Variants in OPRM1 observed in about 807,000 individuals in gnomAD.
OPRM1 encodes opioid receptor mu 1, also known as mu-type opioid receptor.
Under a neutral mutation model 31.8 loss-of-function variants are expected in OPRM1, and 27 were observed. The observed-to-expected ratio is 0.85, with a 90% CI of 0.63 to 1.17. The LOEUF is 1.17. OPRM1 is among the 50% of genes most tolerant of loss of function. OPRM1 has a pLI of 0.00. For missense variants in OPRM1, 536 were observed against 511.1 expected, an observed-to-expected ratio of 1.05 and a Z score of -0.47; for synonymous variants, 196 against 189.9, an observed-to-expected ratio of 1.03 and a Z score of -0.26.
rs558465288 is a variant in OPRM1, at chr6:154,014,448, C to T, written c.-1+3430C>T. ...CATTAAAAAAGTGAATATTAAGAGC[C>T]ATAGACAATGAGAGGAATTGATAAA... On this transcript the variant is annotated intron_variant, in intron 1 of 5. Coordinates refer to the OPRM1 transcript ENST00000434900. Among the ~76,000 whole-genome samples, 4 of 152,076 alleles carry T rather than the reference C, an allele frequency of 2.6e-5. No homozygotes were observed. In the South Asian group the frequency reaches 6.2e-4, roughly 24 times the overall value.
intron 3 of OPRM1, among the ~76,000 whole-genome samples, chr6:154,227,994 A>G (rs1253296088): frequency 9.9e-5 from 15 of 152,140 alleles, no homozygotes. Flanking sequence ...TTGCAAAAAA[A>G]AAATGCCTCA....
At chr6:154,112,090 G>A (rs1198268668) in intron 3 of OPRM1, among the ~76,000 whole-genome samples, 2 of 152,084 alleles carry the variant, frequency 1.3e-5, no homozygotes, top group Non-Finnish European at 2.9e-5. Context: ...AAAAATTGTT[G>A]ACAAAAATAG....
chr6:154,073,510 C>T (rs1583371513), intron 1 of OPRM1: 1 of 152,140 alleles, frequency 6.6e-6, no homozygotes, highest in East Asian at 1.9e-4. Flanking sequence ...AACCTTTATC[C>T]CCAGCCAGGC....
rs1426203350 is a variant in OPRM1, at chr6:154,125,005, C to T, written c.*6284C>T. On this transcript the variant is annotated 3_prime_UTR_variant, in exon 4 of 4. Coordinates refer to ENST00000330432, the MANE Select transcript of OPRM1 (RefSeq NM_000914.5). The stretch of plus-strand genomic sequence containing the variant: ...CAGGTACAGGACCTACCAAAGGCCA[C>T]AGCCAAGCACAAGCAGCTACATTAG... 6.6e-6 allele frequency among the ~76,000 whole-genome samples: 1 copy of T among 152,142 alleles called. No homozygotes were observed. Among genetic ancestry groups the T allele is most frequent in the Non-Finnish European group, 1.5e-5 (1 of 68,024 alleles).
intron 1 of OPRM1, among the ~76,000 whole-genome samples, chr6:154,068,601 A>G (rs1442875848): frequency 6.6e-5 from 10 of 152,156 alleles, no homozygotes; most frequent in Non-Finnish European, 1.3e-4. Flanking sequence ...TTATCCATTC[A>G]TATATTAATG....
intron 1 of OPRM1, 58 bp from the exon 2 acceptor site, chr6:154,089,768 C>T (rs1490642103): frequency 2.6e-6 from 3 of 1,163,386 alleles, no homozygotes; most frequent in Non-Finnish European, 3.7e-6. Context: ...TGGAAGCTTA[C>T]CTATATTTTA....
intron 3 of OPRM1, among the ~76,000 whole-genome samples, chr6:154,193,198 C>T (rs1048753788): frequency 6.6e-5 from 10 of 152,082 alleles, no homozygotes; most frequent in Non-Finnish European, 8.8e-5. Context: ...TAAAAAGGAA[C>T]GAAATAATGG....
intron 3 of OPRM1, among the ~76,000 whole-genome samples, chr6:154,244,732 GAAGGACTTCCTTTA>G (rs1385029248): frequency 1.3e-5 from 2 of 152,214 alleles, no homozygotes; most frequent in East Asian, 3.8e-4. Context: ...GTGTGGTTCA[GAAGGACTTCCTTTA>G]AATTCTATGA....
chr6:154,243,969 T>G (rs566645929), intron 3 of OPRM1, among the ~76,000 whole-genome samples: 7 of 152,282 alleles, frequency 4.6e-5, no homozygotes, highest in African/African-American at 1.7e-4. Context: ...AACAGGTGGC[T>G]CTTCCTAAGA....
chr6:154,039,134 A>G (rs1478594342), upstream of OPRM1: 2 of 1,545,974 alleles, frequency 1.3e-6, no homozygotes, highest in East Asian at 2.5e-5. Context: ...TCTCTCCCCA[A>G]CCCTTCTCTC....
intron 3 of OPRM1, among the ~76,000 whole-genome samples, chr6:154,204,450 CA>C (rs757305355): frequency 2.6e-5 from 4 of 152,086 alleles, no homozygotes; most frequent in Non-Finnish European, 4.4e-5. Flanking sequence ...GCCATATTAG[CA>C]AAAACAAAAA....
At chr6:154,022,013 G>A (rs891304815) in intron 1 of OPRM1, among the ~76,000 whole-genome samples, 1 of 152,132 alleles carries the variant, frequency 6.6e-6, no homozygotes, top group African/African-American at 2.4e-5. Context: ...TAAATATGAT[G>A]TTGAAAAGGG....
chr6:154,130,423 C>T lies in OPRM1; in HGVS notation c.*11702C>T, dbSNP rs1797832114. ...GACCTCGTGATCTGCCTGCCTCGGCCTCCCAAAGTGTTGGGATTACAGGTG... is the reference window on the plus strand; with the variant it reads ...GACCTCGTGATCTGCCTGCCTCGGCTTCCCAAAGTGTTGGGATTACAGGTG... On this transcript the variant is annotated 3_prime_UTR_variant, in exon 4 of 4. Transcript: ENST00000330432. Among the ~76,000 whole-genome samples the T allele has an allele frequency of 6.6e-6, 1 of 152,054 alleles. No individual in the cohort carries two copies. Among genetic ancestry groups the T allele is most frequent in the Non-Finnish European group, 1.5e-5 (1 of 68,026 alleles).
chr6:154,201,353 C>CCTTTGTCT (rs982309572), intron 3 of OPRM1, among the ~76,000 whole-genome samples: 3 of 152,096 alleles, frequency 2.0e-5, no homozygotes, highest in Non-Finnish European at 4.4e-5. Flanking sequence ...TACATATAAG[C>CCTTTGTCT]CTTTGTCTCT....
At chr6:154,026,665 T>C (rs1215023244) in intron 1 of OPRM1, among the ~76,000 whole-genome samples, 3 of 152,186 alleles carry the variant, frequency 2.0e-5, no homozygotes. Flanking sequence ...CTCCACTGAC[T>C]GTATTTTCAA....
In OPRM1 at chr6:154,237,015, T is replaced by A. The variant is rs113182051; in HGVS notation, c.1165-9678T>A. Among the ~76,000 whole-genome samples, 578 of 152,372 alleles carry A rather than the reference T, an allele frequency of 3.8e-3. 3 individuals carry two copies. The highest frequency in any genetic ancestry group is 0.013 in the African/African-American group (548 of 41,592). On this transcript the variant is annotated intron_variant, in intron 3 of 3. Coordinates refer to the OPRM1 transcript ENST00000337049. ...AACTTTCCTCTCTATGGTTTCCTTT[T>A]GAAATCTTCTTGAAACATGCTCTAT...
Position 154,192,934 on chromosome 6 carries a change from C to T in OPRM1, c.1165-53759C>T, listed in dbSNP as rs567773403. On this transcript the variant is annotated intron_variant, in intron 3 of 3. Coordinates refer to the OPRM1 transcript ENST00000337049. ...CTGCTGGTGGGAATGTAAACTAGGACAACCACACTATGGAAAACAGTGTGG... is the reference window on the plus strand; with the variant it reads ...CTGCTGGTGGGAATGTAAACTAGGATAACCACACTATGGAAAACAGTGTGG... Among the ~76,000 whole-genome samples, 8 of 152,258 alleles carry T rather than the reference C, an allele frequency of 5.3e-5. No homozygotes were observed. In the East Asian group the frequency reaches 9.6e-4, roughly 18 times the overall value.
rs1052445344 is a variant in OPRM1, at chr6:154,091,469, T to C, written c.1161T>C (p.His387=). The C allele has an allele frequency of 1.8e-5, 29 of 1,610,258 alleles. No homozygotes were observed. The highest frequency in any genetic ancestry group is 1.6e-4 in the Middle Eastern group (1 of 6,080). ...CCAATACAGTGGATAGAACTAATCA[T>C]CAGGTACGCAGTCTCTAGAATTAGG... ...STANTVDRTN[H]QLENLEAETA... is the part of the protein sequence containing the mutation. The change falls in exon 3 of 4, where the codon CAT becomes CAC. Residue 387 remains histidine (H), a synonymous_variant. Coordinates refer to ENST00000330432, the MANE Select transcript of OPRM1 (RefSeq NM_000914.5).
intron 3 of OPRM1, among the ~76,000 whole-genome samples, chr6:154,096,464 G>A (rs1314415298): frequency 6.6e-6 from 1 of 152,098 alleles, no homozygotes; most frequent in Non-Finnish European, 1.5e-5. Context: ...TCACTGAAAC[G>A]GTAGAGTTTG....
Sources: allele counts gnomAD v4.1 joint callset (sites outside exome capture counted in the v4.1 genomes callset), GRCh38; gene constraint gnomAD v4.1.1; transcripts MANE v1.5; gene names NCBI Gene and HGNC (gene_info 2026-07-23, HGNC 2026-07-21).